JARID2: variants seen among roughly 807,000 people sequenced by gnomAD.
The protein encoded by JARID2 is jumonji and AT-rich interaction domain containing 2.
JARID2 carries 21 observed loss-of-function variants against 125.6 expected under a neutral mutation model. The ratio of observed to expected loss-of-function variants is 0.17; its 90% CI spans 0.12 to 0.24. The LOEUF is 0.24. Ranked by LOEUF, JARID2 falls within the 10% of genes least tolerant of loss-of-function variation. The pLI, the probability that JARID2 is intolerant of heterozygous loss-of-function variation, is 1.00. For missense variants in JARID2, 1,303 were observed against 1,639.6 expected (o/e 0.79, Z 3.55); for synonymous variants, 736 against 661.6 (o/e 1.11, Z -1.73).
At chr6:15,324,414 GC>G (rs1762465234) in intron 1 of JARID2, 1 of 152,068 alleles carries the variant, frequency 6.6e-6, no homozygotes. Flanking sequence ...TTATACGGGG[GC>G]CGTGTTATCT....
intron 5 of JARID2, among the ~76,000 whole-genome samples, chr6:15,469,276 GTCTCTC>G: frequency 1.1e-5 from 1 of 93,056 alleles, no homozygotes; most frequent in Middle Eastern, 5.2e-3. Flanking sequence ...CTGTCTCTCT[GTCTCTC>G]TGTCTCTGTC....
intron 1 of JARID2, among the ~76,000 whole-genome samples, chr6:15,344,190 GT>G (rs778398167): frequency 2.3e-4 from 31 of 134,926 alleles, no homozygotes; most frequent in Non-Finnish European, 4.3e-4. Flanking sequence ...CCCTTGAAGC[GT>G]TTTTGGAAAG....
intron 17 of JARID2, 141 bp from the exon 18 acceptor site, chr6:15,519,928 G>A (rs1049674609): frequency 9.1e-6 from 5 of 546,522 alleles, no homozygotes; most frequent in Admixed American, 4.0e-5. Context: ...TGAGCCTCTC[G>A]GGGTTATTTT....
At chr6:15,458,380 A>G (rs960356935) in intron 4 of JARID2, among the ~76,000 whole-genome samples, 41 of 152,340 alleles carry the variant, frequency 2.7e-4, no homozygotes, top group Non-Finnish European at 1.9e-4. Context: ...ATCACAGTTC[A>G]GCGTCACGGC....
intron 1 of JARID2, among the ~76,000 whole-genome samples, chr6:15,298,997 G>A (rs1049011560): frequency 7.5e-5 from 9 of 120,020 alleles, no homozygotes; most frequent in African/African-American, 2.5e-4. Flanking sequence ...TTTTATTTGC[G>A]GGGGTGGGGG....
chr6:15,246,714 C>A, intron 1 of JARID2, 130 bp downstream of exon 1: 1 of 840,426 alleles, frequency 1.2e-6, no homozygotes, highest in Non-Finnish European at 1.9e-6. Context: ...TCTTTTTTTT[C>A]TGAAAGAGGG....
chr6:15,517,047 T>A (rs1771595116), intron 16 of JARID2, 114 bp from the exon 17 acceptor site: 1 of 734,000 alleles, frequency 1.4e-6, no homozygotes, highest in African/African-American at 1.7e-5. Context: ...CTGGGGCTAC[T>A]CTGGCGCGGG....
intron 3 of JARID2, among the ~76,000 whole-genome samples, chr6:15,427,174 A>G (rs553324757): frequency 1.6e-4 from 25 of 152,312 alleles, no homozygotes; most frequent in African/African-American, 5.8e-4. Flanking sequence ...ATTCTTCTGC[A>G]TAAACCTGCA....
intron 1 of JARID2, among the ~76,000 whole-genome samples, chr6:15,259,416 C>T (rs1306494745): frequency 1.3e-5 from 2 of 152,192 alleles, no homozygotes; most frequent in Non-Finnish European, 2.9e-5. Flanking sequence ...AAATTGGTAG[C>T]ACATGGTTTT....
intron 2 of JARID2, among the ~76,000 whole-genome samples, chr6:15,390,377 G>A (rs1032929925): frequency 2.6e-5 from 4 of 152,066 alleles, no homozygotes; most frequent in African/African-American, 4.8e-5. Flanking sequence ...CCGCACTGCC[G>A]CACACTCAGG....
chr6:15,402,986 GT>G (rs915559679), intron 2 of JARID2, among the ~76,000 whole-genome samples: 1 of 152,084 alleles, frequency 6.6e-6, no homozygotes, highest in African/African-American at 2.4e-5. Context: ...AGCATCGTGG[GT>G]GTTTATAATT....
intron 3 of JARID2, among the ~76,000 whole-genome samples, chr6:15,427,434 T>C (rs1159779058): frequency 2.0e-5 from 3 of 152,100 alleles, no homozygotes; most frequent in African/African-American, 4.8e-5. Flanking sequence ...GCAGTGGCCA[T>C]TTCCTTTTTC....
At chr6:15,291,906 C>T (rs912790493) in intron 1 of JARID2, among the ~76,000 whole-genome samples, 1 of 152,064 alleles carries the variant, frequency 6.6e-6, no homozygotes, top group Non-Finnish European at 1.5e-5. Context: ...ATAGCATTTT[C>T]TTATGTTATT....
chr6:15,476,520 A>G lies in JARID2; in HGVS notation c.670+7802A>G, dbSNP rs186669694. On this transcript the variant is annotated intron_variant, in intron 5 of 17. Transcript: ENST00000341776. ...CCCCAGGCAGATGTTTTGTTTTGCA[A>G]ACATTACACAGGACTCTAATGTGCT... Among the ~76,000 whole-genome samples the G allele has an allele frequency of 1.7e-3, 264 of 152,350 alleles. 1 individual carries two copies. The highest frequency in any genetic ancestry group is 6.1e-3 in the African/African-American group (255 of 41,572).
chr6:15,310,060 A>C (rs917825024), intron 1 of JARID2, among the ~76,000 whole-genome samples: 1 of 152,160 alleles, frequency 6.6e-6, no homozygotes, highest in Non-Finnish European at 1.5e-5. Context: ...TTGGACTCTT[A>C]ATGAGATTAA....
chr6:15,409,943 C>T (rs1765807649), intron 2 of JARID2, among the ~76,000 whole-genome samples: 1 of 152,186 alleles, frequency 6.6e-6, no homozygotes, highest in African/African-American at 2.4e-5. Flanking sequence ...TTTATGTACT[C>T]TTTAAAAACG....
At chr6:15,401,162 A>G in intron 2 of JARID2, 1 of 943,662 alleles carries the variant, frequency 1.1e-6, no homozygotes, top group Non-Finnish European at 1.4e-6. Flanking sequence ...TGCTATATAT[A>G]TATATATATA....
At chr6:15,246,705 C>A in intron 1 of JARID2, 121 bp downstream of exon 1, 1 of 889,806 alleles carries the variant, frequency 1.1e-6, no homozygotes, top group Admixed American at 2.3e-5. Context: ...AAGGCTGTTT[C>A]TTTTTTTTCT....
chr6:15,254,798 C>G (rs1370641816), intron 1 of JARID2, among the ~76,000 whole-genome samples: 3 of 151,970 alleles, frequency 2.0e-5, no homozygotes, highest in Non-Finnish European at 4.4e-5. Context: ...CCAGCACTTT[C>G]GAAGGCCGAG....
Sources: gnomAD v4.1 joint callset for allele counts (sites outside exome capture counted in the v4.1 genomes callset) on GRCh38, gnomAD v4.1.1 for gene constraint, MANE v1.5 for transcripts, NCBI Gene and HGNC (gene_info 2026-07-23, HGNC 2026-07-21) for gene names.